Variants in PCDHGA1 observed in about 807,000 individuals in gnomAD.
PCDHGA1 encodes protocadherin gamma subfamily A, 1.
PCDHGA1 carries 32 observed loss-of-function variants against 58.0 expected under a neutral mutation model. The ratio of observed to expected loss-of-function variants is 0.55; its 90% CI spans 0.42 to 0.74. The LOEUF (loss-of-function observed/expected upper bound fraction) is 0.74. Among genes scored for constraint, PCDHGA1 ranks in the 30% least tolerant of loss-of-function variants. The pLI is 0.00. For missense variants in PCDHGA1, 1,205 were observed against 1,182.3 expected (o/e 1.02, Z -0.28); for synonymous variants, 498 against 501.1 (o/e 0.99, Z 0.08).
At chr5:141,419,411 C>T (rs757881409) in intron 1 of PCDHGA1, 7 of 1,613,344 alleles carry the variant, frequency 4.3e-6, no homozygotes, top group Non-Finnish European at 5.9e-6. Flanking sequence ...GTTCGCGCAG[C>T]GCGCCTTCGA....
rs752088903 is a variant in PCDHGA1, at chr5:141,490,784, G to A, written c.2422-4023G>A. The A allele has an allele frequency of 1.7e-5, 27 of 1,613,906 alleles. No individual in the cohort carries two copies. The highest frequency in any genetic ancestry group is 1.2e-4 in the African/African-American group (9 of 74,922). The stretch of plus-strand genomic sequence containing the variant: ...GTGTATGTCAACCCAGAGGATGGAC[G>A]GATCTTTGCCCAGCGTACCTTTGAC... On this transcript the variant is annotated intron_variant, in intron 1 of 3. Transcript: ENST00000517417. This position sits in a 1 kb window ranked among gnomAD's most constrained non-coding sequence, Gnocchi z 5.4.
At chr5:141,375,754 C>A (rs764343077) in intron 1 of PCDHGA1, 1 of 1,614,244 alleles carries the variant, frequency 6.2e-7, no homozygotes, top group East Asian at 2.2e-5. Flanking sequence ...ACCAGAATGA[C>A]AATGCGCCCG....
At chr5:141,392,584 C>T (rs1252723609) in intron 1 of PCDHGA1, 1 of 473,072 alleles carries the variant, frequency 2.1e-6, no homozygotes, top group African/African-American at 2.0e-5. Context: ...CTGTAAGCGC[C>T]GCTGTTCACC....
chr5:141,360,046 C>T, intron 1 of PCDHGA1: 1 of 1,430,464 alleles, frequency 7.0e-7, no homozygotes, highest in Non-Finnish European at 9.2e-7. Context: ...AAACAGAAAA[C>T]AAAAGCAGGA....
At chr5:141,405,096 G>A (rs2094608531) in intron 1 of PCDHGA1, 6 of 1,613,808 alleles carry the variant, frequency 3.7e-6, no homozygotes, top group Admixed American at 1.7e-5. Flanking sequence ...CTGGCCCTCA[G>A]GCTGAGGCAC....
At chr5:141,383,365 G>A (rs763555331) in intron 1 of PCDHGA1, 9 of 1,614,014 alleles carry the variant, frequency 5.6e-6, no homozygotes, top group Admixed American at 3.3e-5. Flanking sequence ...TCCGTTAAGC[G>A]AGGCTGGGGA....
chr5:141,344,307 C>T lies in PCDHGA1; in HGVS notation c.2421+11202C>T. The T allele has an allele frequency of 6.2e-7, 1 of 1,614,026 alleles. No individual in the cohort carries two copies. The highest frequency in any genetic ancestry group is 8.5e-7 in the Non-Finnish European group (1 of 1,179,936). ...CTTGGTCACCGCGGAGAGGATAGAC[C>T]GGGAGGAGCTCTGCGCTCAGATCCC... On this transcript the variant is annotated intron_variant, in intron 1 of 3. Transcript: ENST00000517417.
intron 1 of PCDHGA1, among the ~76,000 whole-genome samples, chr5:141,349,399 C>T (rs1406274983): frequency 6.6e-6 from 1 of 152,056 alleles, no homozygotes; most frequent in East Asian, 1.9e-4. Context: ...AAAAAAGAAG[C>T]ACTGGTTTCA....
intron 1 of PCDHGA1, chr5:141,376,316 G>C: frequency 6.2e-7 from 1 of 1,614,224 alleles, no homozygotes; most frequent in South Asian, 1.1e-5. Flanking sequence ...GGGCGTGGAA[G>C]GGGTTCGGGC....
intron 1 of PCDHGA1, chr5:141,372,062 C>A (rs1768364404): frequency 1.2e-6 from 2 of 1,613,470 alleles, no homozygotes; most frequent in Non-Finnish European, 1.7e-6. Flanking sequence ...ACGACCGCAA[C>A]GACAATGCAC....
At chr5:141,403,236 T>G in intron 1 of PCDHGA1, 1 of 1,613,908 alleles carries the variant, frequency 6.2e-7, no homozygotes, top group South Asian at 1.1e-5. Flanking sequence ...CGGGAGGAGC[T>G]CTGTGCTCAG....
chr5:141,438,760 C>T (rs1346379482), intron 1 of PCDHGA1, among the ~76,000 whole-genome samples: 4 of 148,802 alleles, frequency 2.7e-5, no homozygotes, highest in South Asian at 2.1e-4. Context: ...CTCCTGGGTT[C>T]AAGCGATTCT....
Position 141,477,128 on chromosome 5 carries a change from G to C in PCDHGA1, c.2422-17679G>C. On this transcript the variant is annotated intron_variant, in intron 1 of 3. Transcript: ENST00000517417. The surrounding 1 kb of genome is among the most constrained non-coding windows in gnomAD (Gnocchi z 4.9). ...CAATCCCGAAGGAGCACATTGCAAA[G>C]TGTTGGTGGAGGTTGTGGATGTGAA... 1.9e-6 allele frequency: 3 copies of C among 1,614,250 alleles called. No homozygotes were observed. The highest frequency in any genetic ancestry group is 2.5e-6 in the Non-Finnish European group (3 of 1,180,046).
At chr5:141,345,183 G>A (rs1561489350) in intron 1 of PCDHGA1, 1 of 1,614,026 alleles carries the variant, frequency 6.2e-7, no homozygotes, top group Non-Finnish European at 8.5e-7. Flanking sequence ...GCAGGTTGAA[G>A]TTTTTGTCCT....
intron 1 of PCDHGA1, among the ~76,000 whole-genome samples, chr5:141,406,564 C>T (rs1475993893): frequency 6.6e-6 from 1 of 152,164 alleles, no homozygotes; most frequent in African/African-American, 2.4e-5. Flanking sequence ...CACTTCCAAA[C>T]CCTAGTAAAC....
chr5:141,385,381 T>C, intron 1 of PCDHGA1: 1 of 1,517,334 alleles, frequency 6.6e-7, no homozygotes, highest in South Asian at 1.3e-5. Context: ...TATTTCTCTA[T>C]TATTTTGCAA....
At chr5:141,444,299 G>A (rs1017908182) in intron 1 of PCDHGA1, among the ~76,000 whole-genome samples, 20 of 150,672 alleles carry the variant, frequency 1.3e-4, no homozygotes, top group Non-Finnish European at 2.7e-4. Context: ...AGCCTCCCTA[G>A]TAGCTAGGAT....
At chr5:141,421,829 T>G in intron 1 of PCDHGA1, 5 of 1,613,784 alleles carry the variant, frequency 3.1e-6, no homozygotes, top group Non-Finnish European at 4.2e-6. Context: ...GAGGGAAGCC[T>G]GGACCGAGAG....
intron 1 of PCDHGA1, chr5:141,377,847 A>G (rs1774398188): frequency 6.6e-6 from 1 of 152,152 alleles, no homozygotes; most frequent in Non-Finnish European, 1.5e-5. Flanking sequence ...TCTTCCAATT[A>G]AAATTAAGAT....
Sources: allele counts gnomAD v4.1 joint callset (sites outside exome capture counted in the v4.1 genomes callset), GRCh38; gene constraint gnomAD v4.1.1; non-coding constraint Gnocchi (gnomAD v3.1); transcripts MANE v1.5; gene names NCBI Gene and HGNC (gene_info 2026-07-23, HGNC 2026-07-21).